The following ITIH2 variants were observed in gnomAD, a reference collection of about 807,000 sequenced individuals.
ITIH2 encodes inter-alpha-trypsin inhibitor heavy chain 2.
In ITIH2, 103 loss-of-function variants were observed where a neutral mutation model predicts 104.4. That is an observed-to-expected ratio of 0.99 (90% CI 0.84 to 1.16). ITIH2 has a LOEUF of 1.16. ITIH2 is among the 50% of genes most tolerant of loss of function. The pLI is 0.00. For synonymous variants in ITIH2, 436 were observed against 435.4 expected, an observed-to-expected ratio of 1.00 and a Z score of -0.02; for missense variants, 1,108 against 1,162.4, an observed-to-expected ratio of 0.95 and a Z score of 0.68.
intron 6 of ITIH2, 132 bp downstream of exon 6, chr10:7,717,920 T>C: frequency 1.2e-6 from 1 of 858,224 alleles, no homozygotes; most frequent in South Asian, 2.0e-5. Context: ...GTGGGATGTA[T>C]TGAAAAGATG....
chr10:7,748,443 A>C (rs1474696947), intron 20 of ITIH2, among the ~76,000 whole-genome samples: 1 of 142,872 alleles, frequency 7.0e-6, no homozygotes, highest in African/African-American at 2.6e-5. Flanking sequence ...CAAGTGGAGG[A>C]CATGAATCTG....
intron 7 of ITIH2, 64 bp from the exon 8 acceptor site, chr10:7,721,585 G>C: frequency 2.7e-6 from 4 of 1,495,564 alleles, no homozygotes; most frequent in Non-Finnish European, 2.7e-6. Flanking sequence ...TGCTGGAGAA[G>C]GGGCAGCGCC....
At chr10:7,731,665 C>A (rs1835003966) in intron 12 of ITIH2, 146 bp from the exon 13 acceptor site, 2 of 479,756 alleles carry the variant, frequency 4.2e-6, no homozygotes, top group Admixed American at 4.0e-5. Context: ...CCGGAGATTG[C>A]AGTGAGACGA....
At chr10:7,707,101 A>G in intron 2 of ITIH2, 100 bp from the exon 3 acceptor site, 4 of 747,532 alleles carry the variant, frequency 5.4e-6, no homozygotes, top group Non-Finnish European at 9.2e-6. Context: ...TCAGTATTGA[A>G]GAAAAATAAA....
At chr10:7,723,042 AAGTGAAGTGGCATGG>A (rs1324187312) in intron 8 of ITIH2, among the ~76,000 whole-genome samples, 2 of 112,084 alleles carry the variant, frequency 1.8e-5, no homozygotes, top group Non-Finnish European at 3.8e-5. Context: ...GAGTGGGGTG[AAGTGAAGTGGCATGG>A]AGTGGAGTGG....
rs573141633 is a variant in ITIH2 at position 7,734,285 on chromosome 10, G to C, written c.1788-637G>C. Among the ~76,000 whole-genome samples, 4 of 152,298 alleles carry C rather than the reference G, an allele frequency of 2.6e-5. No homozygotes were observed. In the South Asian group the frequency reaches 8.3e-4, roughly 32 times the overall value. ...TGATGTGGGATGGATGTTGATAGTG[G>C]GGAAGGCCGTGTATATGGGGGACCG... On this transcript the variant is annotated intron_variant, in intron 14 of 20. Coordinates refer to ENST00000358415, the MANE Select transcript of ITIH2 (RefSeq NM_002216.3).
At chr10:7,748,730 G>A (rs12243979) in intron 20 of ITIH2, among the ~76,000 whole-genome samples, 1 of 150,976 alleles carries the variant, frequency 6.6e-6, no homozygotes, top group Admixed American at 6.6e-5. Flanking sequence ...ATTTTTAGTA[G>A]AGACAGGGTT....
chr10:7,732,607 A>G, intron 14 of ITIH2, 130 bp downstream of exon 14: 1 of 891,062 alleles, frequency 1.1e-6, no homozygotes, highest in Non-Finnish European at 1.7e-6. Flanking sequence ...TTGGATTATT[A>G]CCTTCCACTA....
intron 16 of ITIH2, among the ~76,000 whole-genome samples, chr10:7,740,212 G>A (rs781007103): frequency 3.3e-5 from 5 of 152,060 alleles, no homozygotes; most frequent in Non-Finnish European, 7.4e-5. Flanking sequence ...AGATAAAACA[G>A]GGTGATAAAA....
intron 6 of ITIH2, 56 bp from the exon 7 acceptor site, chr10:7,720,800 T>C: frequency 1.8e-6 from 2 of 1,124,324 alleles, no homozygotes; most frequent in African/African-American, 1.5e-5. Context: ...TACTTCTTGC[T>C]TAAAAAGACT....
rs147821084 is a variant in ITIH2, at chr10:7,715,366, A to G, written c.467+2081A>G. The stretch of plus-strand genomic sequence containing the variant: ...AACCAGGGAGTTGGAGGTTGCAGTG[A>G]GTCGACATTGTGCCACTGCATTCCA... On this transcript the variant is annotated intron_variant, in intron 5 of 20. Coordinates refer to ENST00000358415, the MANE Select transcript of ITIH2 (RefSeq NM_002216.3). 4.5e-3 allele frequency among the ~76,000 whole-genome samples: 691 copies of G among 152,244 alleles called. 7 individuals are homozygous for G. Among genetic ancestry groups the G allele is most frequent in the African/African-American group, 0.016 (672 of 41,544 alleles).
At chr10:7,710,603 A>G (rs1834788277) in intron 4 of ITIH2, among the ~76,000 whole-genome samples, 1 of 152,186 alleles carries the variant, frequency 6.6e-6, no homozygotes, top group Non-Finnish European at 1.5e-5. Flanking sequence ...GTAATCAGTG[A>G]TCATTGTGGA....
chr10:7,732,309 G>A (rs1315123903), intron 13 of ITIH2, 29 bp from the exon 14 acceptor site: 1 of 1,601,272 alleles, frequency 6.2e-7, no homozygotes, highest in Non-Finnish European at 8.6e-7. Context: ...GTTACCCAGT[G>A]TCTCTCAACT....
intron 16 of ITIH2, 35 bp from the exon 17 acceptor site, chr10:7,743,111 T>C (rs1835142549): frequency 3.1e-6 from 3 of 969,942 alleles, no homozygotes; most frequent in Admixed American, 2.2e-5. Context: ...TTCCTTTTAA[T>C]GATTTTGTTT....
chr10:7,728,165 G>A (rs541930415), intron 11 of ITIH2, among the ~76,000 whole-genome samples: 1 of 152,188 alleles, frequency 6.6e-6, no homozygotes, highest in South Asian at 2.1e-4. Context: ...ATGGTGTATG[G>A]GGGTGGTGAA....
chr10:7,740,913 T>C (rs1021748735), intron 16 of ITIH2, among the ~76,000 whole-genome samples: 4 of 152,208 alleles, frequency 2.6e-5, no homozygotes, highest in Non-Finnish European at 4.4e-5. Flanking sequence ...CTTGATCTAC[T>C]TTCTGCCTGA....
chr10:7,713,213 T>A lies in ITIH2; in HGVS notation c.395T>A (p.Ile132Asn), dbSNP rs1436947370. The A allele has an allele frequency of 6.2e-7, 1 of 1,614,134 alleles. No homozygotes were observed. The change falls in exon 5 of 21, where the codon ATT (isoleucine) becomes AAT (asparagine). Residue 132 changes from isoleucine (I) to asparagine (N), a missense_variant. By Grantham distance (149) the Ile-to-Asn change is moderately radical (BLOSUM62 -3). Transcript: ENST00000358415. ...TVDGKTFRSS[I>N]KEKTVGRALY... ...GACGGCAAGACATTTAGGAGCTCTA[T>A]TAAGGAGAAAACTGTGGGCCGAGCT...
rs752604130 is a variant in ITIH2 at position 7,731,979 on chromosome 10, G to GACTAT, written c.1630_1631insACTAT (p.Val544AspfsTer13). 1 of 1,613,392 alleles carries GACTAT rather than the reference G, an allele frequency of 6.2e-7. No individual in the cohort carries two copies. Among genetic ancestry groups the GACTAT allele is most frequent in the South Asian group, 1.1e-5 (1 of 91,026 alleles). ...TGCTAAATTGGATCAAATAGAGAGC[G>GACTAT]TTATCACGGCGACTTCGGTACTTCC... On this transcript the variant is annotated frameshift_variant, in exon 13 of 21. Coordinates refer to ENST00000358415, the MANE Select transcript of ITIH2 (RefSeq NM_002216.3). LOFTEE classifies it high-confidence loss of function.
At chr10:7,749,145 G>A in intron 20 of ITIH2, 42 bp from the exon 21 acceptor site, 1 of 1,605,530 alleles carries the variant, frequency 6.2e-7, no homozygotes. Context: ...GTGTCTAGAG[G>A]TGCTCAGTCT....
Sources: allele counts gnomAD v4.1 joint callset (sites outside exome capture counted in the v4.1 genomes callset), GRCh38; gene constraint gnomAD v4.1.1; transcripts MANE v1.5; gene names NCBI Gene and HGNC (gene_info 2026-07-23, HGNC 2026-07-21).